The following NBEAL1 variants were observed in gnomAD, a reference collection of about 807,000 sequenced individuals.
NBEAL1 encodes neurobeachin-like protein 1.
Under a neutral mutation model 351.3 loss-of-function variants are expected in NBEAL1, and 273 were observed. The ratio of observed to expected loss-of-function variants is 0.78; its 90% CI spans 0.70 to 0.86. NBEAL1 has a LOEUF of 0.86. NBEAL1 is among the 40% of genes least tolerant of loss of function. NBEAL1 has a pLI of 0.00. For missense variants in NBEAL1, 2,961 were observed against 3,201.3 expected, an observed-to-expected ratio of 0.92 and a Z score of 1.81; for synonymous variants, 1,050 against 1,086.4, an observed-to-expected ratio of 0.97 and a Z score of 0.66.
At chr2:203,212,387 A>G (rs1227723380) in intron 54 of NBEAL1, among the ~76,000 whole-genome samples, 1 of 151,450 alleles carries the variant, frequency 6.6e-6, no homozygotes, top group Non-Finnish European at 1.5e-5. Flanking sequence ...TAGCTGGATC[A>G]TTTGAGGTCA....
chr2:203,146,008 GGAGA>G (rs535990594), intron 33 of NBEAL1, among the ~76,000 whole-genome samples: 36 of 148,546 alleles, frequency 2.4e-4, no homozygotes, highest in Non-Finnish European at 4.6e-4. Context: ...AAAAAAAAAA[GGAGA>G]GAGAGAATGA....
At chr2:203,156,729 G>T (rs1055056519) in intron 35 of NBEAL1, among the ~76,000 whole-genome samples, 4 of 152,166 alleles carry the variant, frequency 2.6e-5, no homozygotes, top group African/African-American at 4.8e-5. Flanking sequence ...GAAGTTAAGG[G>T]AGGATTTGTC....
chr2:203,161,445 A>G (rs2106380752), intron 36 of NBEAL1, among the ~76,000 whole-genome samples: 1 of 151,510 alleles, frequency 6.6e-6, no homozygotes, highest in South Asian at 2.1e-4. Flanking sequence ...CCTGGCCAAC[A>G]TGGTGAAACC....
Position 203,056,414 on chromosome 2 carries a change from C to T in NBEAL1, c.306-13C>T. 1 of 1,483,818 alleles carries T rather than the reference C, an allele frequency of 6.7e-7. No homozygotes were observed. Among genetic ancestry groups the T allele is most frequent in the Non-Finnish European group, 9.2e-7 (1 of 1,085,576 alleles). The allele number at this position is 1,483,818 out of a possible 1,614,324, so 91.9% of individuals were successfully genotyped here. A position where few individuals can be genotyped will look rare whatever the true frequency, so the allele number is the denominator to read the frequency against. On this transcript the variant is annotated splice_polypyrimidine_tract_variant and intron_variant, in intron 4 of 55. Coordinates refer to ENST00000683969, the MANE Select transcript of NBEAL1 (RefSeq NM_001378026.1). ...ATTCTTATGTAAAAAATTAAAGTCT[C>T]TTTTTCTCACAGAAATCTATCAAAT...
chr2:203,053,762 C>G (rs1488952663), intron 4 of NBEAL1, among the ~76,000 whole-genome samples: 1 of 152,070 alleles, frequency 6.6e-6, no homozygotes, highest in African/African-American at 2.4e-5. Flanking sequence ...AAGCGATCCT[C>G]CCACCTCACC....
At chr2:203,187,836 T>G (rs1430404054) in intron 44 of NBEAL1, among the ~76,000 whole-genome samples, 1 of 152,248 alleles carries the variant, frequency 6.6e-6, no homozygotes, top group Admixed American at 6.5e-5. Flanking sequence ...AATGGCACTT[T>G]AAAATGTACT....
intron 33 of NBEAL1, among the ~76,000 whole-genome samples, chr2:203,147,623 T>C (rs2063545282): frequency 6.6e-6 from 1 of 152,076 alleles, no homozygotes; most frequent in Non-Finnish European, 1.5e-5. Flanking sequence ...AATGAGAACA[T>C]TGTTCCTTTC....
Position 203,142,179 on chromosome 2 carries a change from A to C in NBEAL1, c.4849-2421A>C, listed in dbSNP as rs576853110. 6.6e-5 allele frequency among the ~76,000 whole-genome samples: 10 copies of C among 152,236 alleles called. No homozygotes were observed. In the East Asian group the frequency reaches 1.9e-3, roughly 29 times the overall value. On this transcript the variant is annotated intron_variant, in intron 31 of 55. Transcript: ENST00000683969. ...CAGTATTTTTTTTTGTTTTTGAGACAGAGTCTTGCTCTTTTGCCCATGGTG... is the reference window on the plus strand; with the variant it reads ...CAGTATTTTTTTTTGTTTTTGAGACCGAGTCTTGCTCTTTTGCCCATGGTG...
chr2:203,040,022 G>A, intron 2 of NBEAL1: 1 of 590,650 alleles, frequency 1.7e-6, no homozygotes, highest in Non-Finnish European at 3.0e-6. Context: ...TTAAGAAGGA[G>A]TAAAAATAGG....
rs757064198 is a variant in NBEAL1, at chr2:203,062,312, C to T, written c.515+4859C>T. 2.1e-6 allele frequency: 1 copy of T among 481,904 alleles called. No individual in the cohort carries two copies. Among genetic ancestry groups the T allele is most frequent in the South Asian group, 1.5e-5 (1 of 66,806 alleles). 29.9% of individuals were successfully genotyped at this position (481,904 alleles called of 1,614,324 possible). ...TTCCTGAAGGTTTCCTGCGTCACATCTCTATAAGAGTTTCTTCTGGGAAAA... is the reference window on the plus strand; with the variant it reads ...TTCCTGAAGGTTTCCTGCGTCACATTTCTATAAGAGTTTCTTCTGGGAAAA... On this transcript the variant is annotated intron_variant, in intron 6 of 55. Transcript: ENST00000683969. This position sits in a 1 kb window ranked among gnomAD's most constrained non-coding sequence, Gnocchi z 4.2.
chr2:203,050,716 TTAG>T (rs1262895084), intron 4 of NBEAL1, among the ~76,000 whole-genome samples: 1 of 152,212 alleles, frequency 6.6e-6, no homozygotes, highest in South Asian at 2.1e-4. Flanking sequence ...ACAAGGAAAC[TTAG>T]TAGAATATAG....
chr2:203,207,105 G>T (rs1187327334), intron 51 of NBEAL1, among the ~76,000 whole-genome samples: 2 of 148,486 alleles, frequency 1.3e-5, no homozygotes, highest in Non-Finnish European at 3.0e-5. Flanking sequence ...TCTCTGCCCG[G>T]CCGCCCCGTC....
intron 6 of NBEAL1, among the ~76,000 whole-genome samples, chr2:203,065,313 T>C (rs1168709490): frequency 2.6e-5 from 4 of 152,190 alleles, no homozygotes; most frequent in African/African-American, 9.7e-5. Flanking sequence ...GGGTAAACTC[T>C]ATTTTGATGT....
At chr2:203,033,222 G>C (rs368201215) in intron 2 of NBEAL1, among the ~76,000 whole-genome samples, 2 of 151,992 alleles carry the variant, frequency 1.3e-5, no homozygotes, top group African/African-American at 4.8e-5. Context: ...GGATGGTCTC[G>C]ATCTCCTGAC....
In NBEAL1 at chr2:203,223,722, C is replaced by T. The variant is rs2065979630; in HGVS notation, c.*6368C>T. 6.6e-6 allele frequency among the ~76,000 whole-genome samples: 1 copy of T among 152,004 alleles called. No individual in the cohort carries two copies. The highest frequency in any genetic ancestry group is 1.5e-5 in the Non-Finnish European group (1 of 67,930). Reference sequence around the variant, plus strand: ...CTGTGGTAATCAGTGTACTAGTCAACATTAAAATGCTATTTTGGGTTGTCT... The same window carrying T: ...CTGTGGTAATCAGTGTACTAGTCAATATTAAAATGCTATTTTGGGTTGTCT... On this transcript the variant is annotated 3_prime_UTR_variant, in exon 56 of 56. Coordinates refer to ENST00000683969, the MANE Select transcript of NBEAL1 (RefSeq NM_001378026.1).
chr2:203,016,736 T>C (rs1016416366), intron 2 of NBEAL1, among the ~76,000 whole-genome samples: 2 of 152,202 alleles, frequency 1.3e-5, no homozygotes, highest in Admixed American at 6.5e-5. Flanking sequence ...ATTTTTATTT[T>C]TGTTTGTGCT....
rs1276107740 is a variant in NBEAL1 at position 203,221,474 on chromosome 2, C to T, written c.*4120C>T. Among the ~76,000 whole-genome samples the T allele has an allele frequency of 1.3e-5, 2 of 151,994 alleles. No individual in the cohort carries two copies. Among genetic ancestry groups the T allele is most frequent in the Non-Finnish European group, 2.9e-5 (2 of 67,976 alleles). On this transcript the variant is annotated 3_prime_UTR_variant, in exon 56 of 56. Coordinates refer to ENST00000683969, the MANE Select transcript of NBEAL1 (RefSeq NM_001378026.1). Reference sequence around the variant, plus strand: ...TATATTTAAACCTGTCTTCTGGAAACAGGTTCTTGAACCTATCTTTAGGAT... The same window carrying T: ...TATATTTAAACCTGTCTTCTGGAAATAGGTTCTTGAACCTATCTTTAGGAT...
chr2:203,155,031 G>T (rs2063761225), intron 35 of NBEAL1, among the ~76,000 whole-genome samples: 1 of 150,662 alleles, frequency 6.6e-6, no homozygotes, highest in South Asian at 2.1e-4. Context: ...AGTTGCTTGA[G>T]CCCAGGAGTT....
chr2:203,082,495 T>G (rs761801785), intron 8 of NBEAL1, among the ~76,000 whole-genome samples: 1 of 152,246 alleles, frequency 6.6e-6, no homozygotes, highest in African/African-American at 2.4e-5. Flanking sequence ...AATTTGACAA[T>G]TTAGGGCAAT....
Sources: gnomAD v4.1 joint callset for allele counts (sites outside exome capture counted in the v4.1 genomes callset) on GRCh38, gnomAD v4.1.1 for gene constraint, Gnocchi (gnomAD v3.1) non-coding constraint, MANE v1.5 for transcripts, NCBI Gene and HGNC (gene_info 2026-07-23, HGNC 2026-07-21) for gene names.